Variants in TMEM232 observed in about 807,000 individuals in gnomAD.
TMEM232 encodes the protein transmembrane protein 232.
A neutral mutation model predicts 78.8 loss-of-function variants in TMEM232; 80 were observed. The ratio of observed to expected loss-of-function variants is 1.01; its 90% CI spans 0.85 to 1.22. The LOEUF (loss-of-function observed/expected upper bound fraction) is 1.22, where lower values mean the gene tolerates loss of function less well. TMEM232 is among the 50% of genes most tolerant of loss of function. The pLI is 0.00. For synonymous variants in TMEM232, 297 were observed against 254.3 expected (o/e 1.17, Z -1.60); for missense variants, 881 against 742.2 (o/e 1.19, Z -2.17).
chr5:110,496,256 A>G (rs1030244919), intron 12 of TMEM232, among the ~76,000 whole-genome samples: 7 of 152,004 alleles, frequency 4.6e-5, no homozygotes, highest in Non-Finnish European at 8.8e-5. Context: ...TTAATAACTT[A>G]AAATGATCGT....
chr5:110,533,067 C>G (rs561590935), intron 11 of TMEM232, among the ~76,000 whole-genome samples: 19 of 152,256 alleles, frequency 1.2e-4, no homozygotes, highest in African/African-American at 3.4e-4. Context: ...CCTCCACAAC[C>G]CACTATTCCG....
intron 12 of TMEM232, among the ~76,000 whole-genome samples, chr5:110,447,734 G>T (rs2112803218): frequency 6.6e-6 from 1 of 152,154 alleles, no homozygotes; most frequent in Admixed American, 6.6e-5. Flanking sequence ...AAAAAGATTT[G>T]AAATGAAGAA....
Position 110,500,811 on chromosome 5 carries a change from T to A in TMEM232, c.1703+27777A>T, listed in dbSNP as rs546244987. 2.0e-5 allele frequency among the ~76,000 whole-genome samples: 3 copies of A among 152,326 alleles called. No individual in the cohort carries two copies. In the South Asian group the frequency reaches 6.2e-4, roughly 32 times the overall value. On this transcript the variant is annotated intron_variant, in intron 12 of 13. Transcript: ENST00000455884. Reference sequence around the variant, plus strand: ...AATTCAGTATAGCAGACTTGTTACATCATCATGGGTCTGGAACAGCCACTT... The same window carrying A: ...AATTCAGTATAGCAGACTTGTTACAACATCATGGGTCTGGAACAGCCACTT...
At chr5:110,604,438 G>T (rs1194756107) in intron 10 of TMEM232, among the ~76,000 whole-genome samples, 1 of 152,072 alleles carries the variant, frequency 6.6e-6, no homozygotes, top group African/African-American at 2.4e-5. Context: ...AGTAATTGTA[G>T]AGAAATCCTC....
chr5:110,448,425 T>C (rs537088839), intron 12 of TMEM232, among the ~76,000 whole-genome samples: 15 of 152,210 alleles, frequency 9.9e-5, no homozygotes, highest in African/African-American at 3.6e-4. Flanking sequence ...CAATCTGTTA[T>C]GTCGTTCTAG....
chr5:110,707,377 C>T (rs540520292), intron 1 of TMEM232, among the ~76,000 whole-genome samples: 232 of 152,290 alleles, frequency 1.5e-3, no homozygotes, highest in African/African-American at 5.5e-3. Flanking sequence ...CAGGACTTAA[C>T]GTTGAAATCA....
intron 12 of TMEM232, among the ~76,000 whole-genome samples, chr5:110,492,063 C>A (rs964537648): frequency 2.0e-5 from 3 of 151,708 alleles, no homozygotes; most frequent in Admixed American, 2.0e-4. Flanking sequence ...ACAGATCATT[C>A]CAATTGTACA....
At chr5:110,663,799 G>A (rs1206228261) in intron 2 of TMEM232, among the ~76,000 whole-genome samples, 1 of 150,992 alleles carries the variant, frequency 6.6e-6, no homozygotes, top group Admixed American at 6.6e-5. Flanking sequence ...GATACTTTTG[G>A]AGACCCATAG....
intron 8 of TMEM232, among the ~76,000 whole-genome samples, chr5:110,615,571 A>G (rs1782819929): frequency 6.6e-6 from 1 of 151,978 alleles, no homozygotes; most frequent in African/African-American, 2.4e-5. Flanking sequence ...AAAATCAGGA[A>G]CAAGACAAGA....
Position 110,543,458 on chromosome 5 carries a change from G to A in TMEM232, c.1456-14623C>T, listed in dbSNP as rs142393725. Among the ~76,000 whole-genome samples the A allele has an allele frequency of 5.9e-3, 899 of 152,204 alleles. 24 individuals carry two copies. The highest frequency in any genetic ancestry group is 0.045 in the Admixed American group (683 of 15,276). On this transcript the variant is annotated intron_variant, in intron 11 of 13. Coordinates refer to ENST00000455884, the MANE Select transcript of TMEM232 (RefSeq NM_001039763.4). ...GCAAGAAGTTGCCAGGAAGGAATATGGGCTGTGCACTATGAAAGATCTGAA... is the reference window on the plus strand; with the variant it reads ...GCAAGAAGTTGCCAGGAAGGAATATAGGCTGTGCACTATGAAAGATCTGAA...
intron 2 of TMEM232, among the ~76,000 whole-genome samples, chr5:110,404,604 C>T (rs1755719725): frequency 6.6e-6 from 1 of 152,040 alleles, no homozygotes; most frequent in Admixed American, 6.6e-5. Flanking sequence ...ATTTATCTGG[C>T]TTCCACTTCC....
chr5:110,460,292 AGTGTGTGTGT>A, intron 12 of TMEM232, among the ~76,000 whole-genome samples: 1 of 149,494 alleles, frequency 6.7e-6, no homozygotes, highest in East Asian at 2.0e-4. Flanking sequence ...TGTATAAGTA[AGTGTGTGTGT>A]GTGTGTGTGT....
intron 11 of TMEM232, among the ~76,000 whole-genome samples, chr5:110,543,211 A>T (rs1488109967): frequency 6.6e-6 from 1 of 151,912 alleles, no homozygotes; most frequent in Non-Finnish European, 1.5e-5. Flanking sequence ...CTCCTCACTT[A>T]CTTCCCTCTA....
intron 10 of TMEM232, among the ~76,000 whole-genome samples, chr5:110,573,530 T>C (rs1172136556): frequency 1.3e-5 from 2 of 152,080 alleles, no homozygotes; most frequent in African/African-American, 2.4e-5. Context: ...CACTGTTCTC[T>C]GTACTAAAGA....
intron 2 of TMEM232, among the ~76,000 whole-genome samples, chr5:110,402,332 C>CA (rs1364493617): frequency 2.0e-5 from 3 of 152,022 alleles, no homozygotes; most frequent in Non-Finnish European, 4.4e-5. Context: ...TGCAGTCTTA[C>CA]AAAGTATTGA....
chr5:110,490,743 T>C (rs1044921826), intron 12 of TMEM232, among the ~76,000 whole-genome samples: 2 of 152,054 alleles, frequency 1.3e-5, no homozygotes, highest in Non-Finnish European at 2.9e-5. Flanking sequence ...TAAAATTCAA[T>C]AAATAGTGCA....
intron 7 of TMEM232, among the ~76,000 whole-genome samples, chr5:110,623,221 T>C (rs1784002940): frequency 6.6e-6 from 1 of 152,104 alleles, no homozygotes; most frequent in Admixed American, 6.6e-5. Context: ...TATTCTTAAG[T>C]GGAACCCATG....
At chr5:110,465,009 A>C (rs895984905) in intron 12 of TMEM232, among the ~76,000 whole-genome samples, 22 of 152,242 alleles carry the variant, frequency 1.4e-4, no homozygotes, top group Non-Finnish European at 3.1e-4. Flanking sequence ...TCCTTAAGGC[A>C]GTACATCCTT....
chr5:110,593,639 T>C (rs144499257), intron 10 of TMEM232, among the ~76,000 whole-genome samples: 2 of 152,182 alleles, frequency 1.3e-5, no homozygotes, highest in East Asian at 1.9e-4. Context: ...CTCATGGAGA[T>C]ACAGAGTAGA....
Sources: allele counts gnomAD v4.1 joint callset (sites outside exome capture counted in the v4.1 genomes callset), GRCh38; gene constraint gnomAD v4.1.1; transcripts MANE v1.5; gene names NCBI Gene and HGNC (gene_info 2026-07-23, HGNC 2026-07-21).